Variants in ATP1A3 observed in about 807,000 individuals in gnomAD.
ATP1A3 encodes the protein ATPase Na+/K+ transporting subunit alpha 3.
A neutral mutation model predicts 108.8 loss-of-function variants in ATP1A3; 12 were observed. The observed-to-expected ratio is 0.11, with a 90% CI of 0.07 to 0.18. ATP1A3 has a LOEUF of 0.18. ATP1A3 is among the 10% of genes least tolerant of loss of function. ATP1A3 has a pLI of 1.00. For missense variants in ATP1A3, 498 were observed against 1,387.7 expected, an observed-to-expected ratio of 0.36 and a Z score of 10.19; for synonymous variants, 539 against 564.5, an observed-to-expected ratio of 0.95 and a Z score of 0.64.
chr19:41,987,829 G>A (rs1271548831), intron 4 of ATP1A3, 107 bp downstream of exon 4: 11 of 1,367,276 alleles, frequency 8.0e-6, no homozygotes, highest in Non-Finnish European at 1.1e-5. Flanking sequence ...ATGGGAAAAA[G>A]GGGGAGAGTG....
Position 41,978,687 on chromosome 19 carries a change from C to G in ATP1A3, c.1549G>C (p.Glu517Gln), listed in dbSNP as rs782583311. 1 of 1,614,166 alleles carries G rather than the reference C, an allele frequency of 6.2e-7. No homozygotes were observed. The highest frequency in any genetic ancestry group is 8.5e-7 in the Non-Finnish European group (1 of 1,180,024). ...TTCATTTCCTCGTCCAGAGGCTGCT[C>G]CTTGCCCTGTAGCAGGATGGTGGAG... ...RCSTILLQGK[E>Q]QPLDEEMKEA... The change falls in exon 12 of 23, where the codon GAG becomes CAG. Residue 517 changes from glutamate to glutamine, a missense_variant. By Grantham distance (29) the Glu-to-Gln change is conservative. Around this residue, in one of 9 missense-constraint regions of ATP1A3, gnomAD observed 92 missense variants for 168.7 expected, o/e 0.55. Coordinates refer to ENST00000648268, the MANE Select transcript of ATP1A3 (RefSeq NM_152296.5). The surrounding 1 kb of genome is among the most constrained non-coding windows in gnomAD (Gnocchi z 8.3).
intron 4 of ATP1A3, 63 bp downstream of exon 4, chr19:41,987,873 T>C: frequency 6.3e-6 from 10 of 1,579,214 alleles, no homozygotes; most frequent in Non-Finnish European, 8.7e-6. Context: ...GGGAAGAAGT[T>C]GGGGTGCGGT....
chr19:41,981,205 C>A lies in ATP1A3; in HGVS notation c.1437+297G>T, dbSNP rs563563207. On this transcript the variant is annotated intron_variant, in intron 11 of 22. Transcript: ENST00000648268. The surrounding 1 kb of genome is among the most constrained non-coding windows in gnomAD (Gnocchi z 5.0). ...GTACAGATGGGGTTTTGCCATCTTG[C>A]CCAGGCTCGTCTCGAACTCCTGGCC... Among the ~76,000 whole-genome samples, 3 of 151,806 alleles carry A rather than the reference C, an allele frequency of 2.0e-5. No individual in the cohort carries two copies. The highest frequency in any genetic ancestry group is 7.3e-5 in the African/African-American group (3 of 41,308).
rs1555864772 is a variant in ATP1A3 at position 41,984,945 on chromosome 19, G to A, written c.966C>T (p.Val322=). Reference sequence around the variant, plus strand: ...TGACAGTGGCCAGCAGACCCTCTGGGACATTGGCCACGATGATGCCGATGA... The same window carrying A: ...TGACAGTGGCCAGCAGACCCTCTGGAACATTGGCCACGATGATGCCGATGA... ...IFLIGIIVAN[V]PEGLLATVTV... is the part of the protein sequence containing the mutation. Residue 322 remains valine, a synonymous_variant, in exon 8 of 23, where the codon GTC becomes GTT. Transcript: ENST00000648268. 3.1e-6 allele frequency: 5 copies of A among 1,613,784 alleles called. No homozygotes were observed. Among genetic ancestry groups the A allele is most frequent in the East Asian group, 4.5e-5 (2 of 44,876 alleles).
intron 1 of ATP1A3, among the ~76,000 whole-genome samples, chr19:41,989,025 G>C (rs542945494): frequency 1.3e-5 from 2 of 151,802 alleles, no homozygotes; most frequent in African/African-American, 2.4e-5. Flanking sequence ...CTGCAGCCTC[G>C]ACTTCTGAGG....
chr19:41,969,517 A>T lies in ATP1A3; in HGVS notation c.2606T>A (p.Leu869Ter). The change falls in exon 19 of 23, where the codon TTG becomes TAG. Residue 869 changes from leucine (L) to a stop codon, truncating the protein, a stop_gained. Coordinates refer to ENST00000648268, the MANE Select transcript of ATP1A3 (RefSeq NM_152296.5). LOFTEE classifies it high-confidence loss of function. Reference protein sequence around the residue: ...YFVILAENGFLPGNLVGIRLN... With the variant: ...YFVILAENGF ...CCGGATGCCCACCAGGTTGCCGGGC[A>T]AGAAGCCATTTTCTGCCAGGATCAC... The T allele has an allele frequency of 6.2e-7, 1 of 1,614,046 alleles. No homozygotes were observed. Among genetic ancestry groups the T allele is most frequent in the Non-Finnish European group, 8.5e-7 (1 of 1,179,982 alleles).
chr19:41,992,346 C>G (rs529220842), intron 1 of ATP1A3, among the ~76,000 whole-genome samples: 3 of 152,260 alleles, frequency 2.0e-5, no homozygotes, highest in East Asian at 3.9e-4. Context: ...GGGCGCGCTG[C>G]GGGGTGGGAG....
chr19:41,979,480 A>G (rs2075207984), intron 11 of ATP1A3, among the ~76,000 whole-genome samples: 1 of 151,512 alleles, frequency 6.6e-6, no homozygotes, highest in South Asian at 2.1e-4. Context: ...ATGCCTGGCT[A>G]ATTTTTTATA....
At chr19:41,989,459 C>T (rs1461513649) in intron 1 of ATP1A3, among the ~76,000 whole-genome samples, 1 of 151,698 alleles carries the variant, frequency 6.6e-6, no homozygotes, top group African/African-American at 2.4e-5. Context: ...GCTGGGACTA[C>T]AGGCGCCCGC....
In ATP1A3 at chr19:41,978,892, A is replaced by G; in HGVS notation, c.1438-94T>C. On this transcript the variant is annotated intron_variant, in intron 11 of 22. Coordinates refer to ENST00000648268, the MANE Select transcript of ATP1A3 (RefSeq NM_152296.5). The surrounding 1 kb of genome is among the most constrained non-coding windows in gnomAD (Gnocchi z 8.3). The stretch of plus-strand genomic sequence containing the variant: ...TCCCCTGTCCAGAGCCACGGGTGCC[A>G]GGATAGGCCCACACCAGGGCTCCCC... 3.1e-6 allele frequency: 4 copies of G among 1,306,484 alleles called. No homozygotes were observed. Among genetic ancestry groups the G allele is most frequent in the Non-Finnish European group, 3.2e-6 (3 of 924,360 alleles). 80.9% of individuals were successfully genotyped at this position (1,306,484 alleles called of 1,614,324 possible). A position where few individuals can be genotyped will look rare whatever the true frequency, so the allele number is the denominator to read the frequency against.
intron 4 of ATP1A3, chr19:41,986,449 G>A (rs1599724227): frequency 1.1e-5 from 5 of 467,790 alleles, no homozygotes; most frequent in Non-Finnish European, 3.9e-6. Context: ...AGGGTCTGTC[G>A]ATTTTTTTTT....
chr19:41,977,786 C>A (rs371206313), intron 14 of ATP1A3, 150 bp downstream of exon 14: 2 of 1,176,652 alleles, frequency 1.7e-6, no homozygotes, highest in Non-Finnish European at 2.3e-6. Context: ...GTCCCCACAC[C>A]GGAGGGAGGG....
Position 41,978,377 on chromosome 19 carries a change from G to A in ATP1A3, c.1631-51C>T, listed in dbSNP as rs781923737. On this transcript the variant is annotated intron_variant, in intron 12 of 22. Transcript: ENST00000648268. The surrounding 1 kb of genome is among the most constrained non-coding windows in gnomAD (Gnocchi z 8.3). ...TGAGGGTCCCAGCCTCGGAACCTCC[G>A]CCCCATGCCCCTAGATGTCTGCATC... 23 of 1,553,562 alleles carry A rather than the reference G, an allele frequency of 1.5e-5. No individual in the cohort carries two copies. In the South Asian group the frequency reaches 1.5e-4, roughly 10 times the overall value.
Position 41,969,477 on chromosome 19 carries a change from G to A in ATP1A3, c.2646C>T (p.Asp882=). The change falls in exon 19 of 23, where the codon GAC becomes GAT. Residue 882 remains aspartate, a synonymous_variant. Transcript: ENST00000648268. ...TGTCTTCCAGGTCATTGACGGTGCGGTCATCCCAGTTCAGCCGGATGCCCA... is the reference window on the plus strand; with the variant it reads ...TGTCTTCCAGGTCATTGACGGTGCGATCATCCCAGTTCAGCCGGATGCCCA... ...NLVGIRLNWD[D]RTVNDLEDSY... is the part of the protein sequence containing the mutation. 6.2e-7 allele frequency: 1 copy of A among 1,614,180 alleles called. No homozygotes were observed. The highest frequency in any genetic ancestry group is 8.5e-7 in the Non-Finnish European group (1 of 1,180,018).
rs1218835184 is a variant in ATP1A3, at chr19:41,985,648, G to T, written c.606+216C>A. On this transcript the variant is annotated intron_variant, in intron 6 of 22. Transcript: ENST00000648268. This position sits in a 1 kb window ranked among gnomAD's most constrained non-coding sequence, Gnocchi z 8.2. The stretch of plus-strand genomic sequence containing the variant: ...TAGGGTCCCTAAGGATCTCCGAAAG[G>T]TGAGGGCTGGGCCTGGACTCCTGAC... Among the ~76,000 whole-genome samples the T allele has an allele frequency of 6.6e-6, 1 of 152,152 alleles. No individual in the cohort carries two copies. Among genetic ancestry groups the T allele is most frequent in the African/African-American group, 2.4e-5 (1 of 41,416 alleles).
chr19:41,978,588 C>G lies in ATP1A3; in HGVS notation c.1630+18G>C. On this transcript the variant is annotated intron_variant, in intron 12 of 22. Transcript: ENST00000648268. This position sits in a 1 kb window ranked among gnomAD's most constrained non-coding sequence, Gnocchi z 8.3. ...CTTGCCCTCCAGGGACCCCAGAGCCCGCCCGGCAGCCTCGCACCAAGCACG... is the reference window on the plus strand; with the variant it reads ...CTTGCCCTCCAGGGACCCCAGAGCCGGCCCGGCAGCCTCGCACCAAGCACG... 1.9e-6 allele frequency: 3 copies of G among 1,611,854 alleles called. No individual in the cohort carries two copies. Among genetic ancestry groups the G allele is most frequent in the Middle Eastern group, 1.7e-4 (1 of 5,886 alleles).
Position 41,988,598 on chromosome 19 carries a change from C to A in ATP1A3, c.7-36G>T, listed in dbSNP as rs1555866399. The stretch of plus-strand genomic sequence containing the variant: ...GCGATACGATAGCTGTCAGAGCCAC[C>A]AGACTGCGGGCGAGAAGGGGTTCCA... On this transcript the variant is annotated intron_variant, in intron 1 of 22. Transcript: ENST00000648268. This position sits in a 1 kb window ranked among gnomAD's most constrained non-coding sequence, Gnocchi z 5.3. 6.2e-7 allele frequency: 1 copy of A among 1,613,962 alleles called. No individual in the cohort carries two copies. The highest frequency in any genetic ancestry group is 8.5e-7 in the Non-Finnish European group (1 of 1,180,032).
Position 41,978,079 on chromosome 19 carries a change from G to A in ATP1A3, c.1807-7C>T. On this transcript the variant is annotated splice_region_variant and splice_polypyrimidine_tract_variant and intron_variant, in intron 13 of 22. Coordinates refer to ENST00000648268, the MANE Select transcript of ATP1A3 (RefSeq NM_152296.5). The surrounding 1 kb of genome is among the most constrained non-coding windows in gnomAD (Gnocchi z 8.3). ...CGCCGGTGACCATGATGACCTGCAGGCATTGTTTTTTAGGGATGGCCTCTC... is the reference window on the plus strand; with the variant it reads ...CGCCGGTGACCATGATGACCTGCAGACATTGTTTTTTAGGGATGGCCTCTC... 6.2e-7 allele frequency: 1 copy of A among 1,614,234 alleles called. No individual in the cohort carries two copies. Among genetic ancestry groups the A allele is most frequent in the Non-Finnish European group, 8.5e-7 (1 of 1,180,038 alleles).
At position 41,966,905 on chromosome 19, in the gene ATP1A3, G is replaced by C. The variant is rs1218547630; in HGVS notation, c.*32C>G. On this transcript the variant is annotated 3_prime_UTR_variant, in exon 23 of 23. Transcript: ENST00000648268. ...GGGGCGGTCCTGGGCCTGGGGGACG[G>C]GGAAGAGATGGGCGATGTGGTGGGG... 6.4e-7 allele frequency: 1 copy of C among 1,551,220 alleles called. No individual in the cohort carries two copies. Among genetic ancestry groups the C allele is most frequent in the African/African-American group, 1.4e-5 (1 of 72,966 alleles).
Sources: allele counts gnomAD v4.1 joint callset (sites outside exome capture counted in the v4.1 genomes callset), GRCh38; gene constraint gnomAD v4.1.1; regional missense constraint gnomAD v4.1.1; non-coding constraint Gnocchi (gnomAD v3.1); transcripts MANE v1.5; gene names NCBI Gene and HGNC (gene_info 2026-07-23, HGNC 2026-07-21).